The following LMCD1 variants were observed in gnomAD, a reference collection of about 807,000 sequenced individuals.
The protein encoded by LMCD1 is LIM and cysteine rich domains 1, also known as LIM and cysteine-rich domains protein 1.
A neutral mutation model predicts 42.7 loss-of-function variants in LMCD1; 32 were observed. That is an observed-to-expected ratio of 0.75 (90% CI 0.57 to 1.01). The LOEUF is 1.01. Among genes scored for constraint, LMCD1 ranks in the 50% least tolerant of loss-of-function variants. The pLI is 0.00. For synonymous variants in LMCD1, 178 were observed against 184.9 expected, an observed-to-expected ratio of 0.96 and a Z score of 0.30; for missense variants, 458 against 483.1, an observed-to-expected ratio of 0.95 and a Z score of 0.49.
chr3:8,515,014 T>C lies in LMCD1; in HGVS notation c.42+13034T>C, dbSNP rs192375356. The C allele has an allele frequency of 7.0e-5, 32 of 456,922 alleles. No individual in the cohort carries two copies. The Admixed American group carries it at 7.3e-4, about 10-fold the overall frequency. The allele number at this position is 456,922 out of a possible 1,614,324, so 28.3% of individuals were successfully genotyped here. On this transcript the variant is annotated intron_variant, in intron 1 of 5. Coordinates refer to ENST00000157600, the MANE Select transcript of LMCD1 (RefSeq NM_014583.4). ...ACCGCATGTAAGTTTTCCTTTGAAGTACTGTTAGATAATAATAGAGGCAGT... is the reference window on the plus strand; with the variant it reads ...ACCGCATGTAAGTTTTCCTTTGAAGCACTGTTAGATAATAATAGAGGCAGT...
intron 1 of LMCD1, among the ~76,000 whole-genome samples, chr3:8,513,735 A>G (rs1694045581): frequency 1.3e-5 from 2 of 152,222 alleles, no homozygotes; most frequent in Non-Finnish European, 2.9e-5. Context: ...TTATTACTAT[A>G]TGGAATGCTA....
At position 8,565,433 on chromosome 3, in the gene LMCD1, T is replaced by C. The variant is rs751005117; in HGVS notation, c.725T>C (p.Val242Ala). The C allele has an allele frequency of 1.2e-6, 2 of 1,613,278 alleles. No homozygotes were observed. Among genetic ancestry groups the C allele is most frequent in the African/African-American group, 2.7e-5 (2 of 74,902 alleles). The change falls in exon 5 of 6, where the codon GTC (valine) becomes GCC (alanine). Residue 242 changes from valine (V) to alanine (A), a missense_variant and splice_region_variant. Coordinates refer to ENST00000157600, the MANE Select transcript of LMCD1 (RefSeq NM_014583.4). ...TATGGTCCTTCCCCATCCTTCCAGGTCTGCGAGCTCTGCAAGGGAGCGGCC... is the reference window on the plus strand; with the variant it reads ...TATGGTCCTTCCCCATCCTTCCAGGCCTGCGAGCTCTGCAAGGGAGCGGCC... ...LSDPSKEVEY[V>A]CELCKGAAPP... is the part of the protein sequence containing the mutation.
chr3:8,545,325 G>C (rs1397819568), intron 3 of LMCD1, among the ~76,000 whole-genome samples: 1 of 152,112 alleles, frequency 6.6e-6, no homozygotes, highest in East Asian at 1.9e-4. Context: ...AATCTAAAAT[G>C]ATCATCTACT....
chr3:8,567,736 A>G lies in LMCD1; in HGVS notation c.*138A>G. 2 of 793,322 alleles carry G rather than the reference A, an allele frequency of 2.5e-6. No individual in the cohort carries two copies. Among genetic ancestry groups the G allele is most frequent in the South Asian group, 1.8e-5 (1 of 55,570 alleles). The allele number at this position is 793,322 out of a possible 1,614,324, so 49.1% of individuals were successfully genotyped here. On this transcript the variant is annotated 3_prime_UTR_variant, in exon 6 of 6. Transcript: ENST00000157600. ...GATTTGCTTTTCAGTGAGAATATAT[A>G]TATGAGATATATATAGATATATATT...
chr3:8,565,953 T>A (rs996743758), intron 5 of LMCD1, among the ~76,000 whole-genome samples: 58 of 152,344 alleles, frequency 3.8e-4, no homozygotes, highest in Non-Finnish European at 2.9e-5. Flanking sequence ...CGTTCAAACC[T>A]GTATCTGCAT....
intron 1 of LMCD1, among the ~76,000 whole-genome samples, chr3:8,521,142 C>T (rs1283271263): frequency 6.6e-6 from 1 of 152,148 alleles, no homozygotes; most frequent in Non-Finnish European, 1.5e-5. Context: ...TGTGGGCCTG[C>T]TTTGGATACA....
chr3:8,520,866 G>A (rs1264036053), intron 1 of LMCD1, among the ~76,000 whole-genome samples: 2 of 152,166 alleles, frequency 1.3e-5, no homozygotes, highest in African/African-American at 4.8e-5. Context: ...GGAGATCAGA[G>A]GACCATCCTC....
At chr3:8,560,624 G>A (rs1695017701) in intron 4 of LMCD1, among the ~76,000 whole-genome samples, 1 of 152,104 alleles carries the variant, frequency 6.6e-6, no homozygotes, top group Non-Finnish European at 1.5e-5. Context: ...AAGCCAGACA[G>A]ACAACTCACT....
intron 4 of LMCD1, chr3:8,550,870 T>C (rs894775861): frequency 9.3e-5 from 92 of 985,126 alleles, no homozygotes; most frequent in Non-Finnish European, 1.1e-4. Context: ...CCAAGAGACA[T>C]GTGGATCTGA....
chr3:8,509,067 C>T (rs141681396), intron 1 of LMCD1, among the ~76,000 whole-genome samples: 6 of 152,308 alleles, frequency 3.9e-5, no homozygotes, highest in Middle Eastern at 3.4e-3. Context: ...GATAGCTCAC[C>T]GTAGTTCTAC....
intron 2 of LMCD1, among the ~76,000 whole-genome samples, chr3:8,536,319 G>A (rs568962356): frequency 3.3e-5 from 5 of 152,306 alleles, no homozygotes; most frequent in Admixed American, 6.5e-5. Context: ...CTCTCACGCC[G>A]TGGAACTCTC....
chr3:8,512,258 A>G (rs1431501732), intron 1 of LMCD1, among the ~76,000 whole-genome samples: 3 of 152,236 alleles, frequency 2.0e-5, no homozygotes, highest in Admixed American at 6.5e-5. Context: ...ATCTTGCATC[A>G]AAACAATTTC....
intron 2 of LMCD1, among the ~76,000 whole-genome samples, chr3:8,533,175 G>T (rs1213969949): frequency 6.6e-6 from 1 of 152,112 alleles, no homozygotes; most frequent in African/African-American, 2.4e-5. Flanking sequence ...GGTGGATGGG[G>T]TGATCTCCCC....
At chr3:8,548,989 C>T (rs1694791086) in intron 4 of LMCD1, 86 bp downstream of exon 4, 1 of 974,658 alleles carries the variant, frequency 1.0e-6, no homozygotes, top group Non-Finnish European at 1.5e-6. Context: ...GGCTTTGTTC[C>T]CTCATTCATG....
At position 8,563,645 on chromosome 3, in the gene LMCD1, T is replaced by C. The variant is rs117146135; in HGVS notation, c.724-1787T>C. Among the ~76,000 whole-genome samples the C allele has an allele frequency of 7.8e-4, 119 of 152,352 alleles. 1 individual carries two copies. The highest frequency in any genetic ancestry group is 5.6e-3 in the East Asian group (29 of 5,194). ...TCATGCATGGGTTCCAAATAACTTA[T>C]GTAGATACTTGGCCCTGGAGGAGAT... On this transcript the variant is annotated intron_variant, in intron 4 of 5. Coordinates refer to ENST00000157600, the MANE Select transcript of LMCD1 (RefSeq NM_014583.4).
At chr3:8,567,362 C>T in intron 5 of LMCD1, 78 bp from the exon 6 acceptor site, 1 of 1,466,238 alleles carries the variant, frequency 6.8e-7, no homozygotes, top group East Asian at 2.4e-5. Flanking sequence ...AACCACCACC[C>T]TATAACTTGT....
At chr3:8,520,502 G>T (rs1694182948) in intron 1 of LMCD1, among the ~76,000 whole-genome samples, 1 of 152,106 alleles carries the variant, frequency 6.6e-6, no homozygotes, top group African/African-American at 2.4e-5. Context: ...AGGGTGGGAG[G>T]GGAGTAAGGG....
chr3:8,562,477 C>CT (rs952012186), intron 4 of LMCD1, among the ~76,000 whole-genome samples: 1 of 152,214 alleles, frequency 6.6e-6, no homozygotes, highest in African/African-American at 2.4e-5. Flanking sequence ...AATCCCAGCT[C>CT]TGTTTCTTGG....
At chr3:8,531,596 C>CA (rs1368459767) in intron 1 of LMCD1, among the ~76,000 whole-genome samples, 4 of 152,154 alleles carry the variant, frequency 2.6e-5, no homozygotes, top group Non-Finnish European at 4.4e-5. Context: ...CCAAGTCTCT[C>CA]AGACTCCAAA....
Sources: gnomAD v4.1 joint callset for allele counts (sites outside exome capture counted in the v4.1 genomes callset) on GRCh38, gnomAD v4.1.1 for gene constraint, MANE v1.5 for transcripts, NCBI Gene and HGNC (gene_info 2026-07-23, HGNC 2026-07-21) for gene names.